ASB4: variants seen among roughly 807,000 people sequenced by gnomAD.
ASB4 encodes ankyrin repeat and SOCS box containing 4, also known as ankyrin repeat and SOCS box protein 4.
ASB4 carries 35 observed loss-of-function variants against 38.6 expected under a neutral mutation model. That is an observed-to-expected ratio of 0.91 (90% CI 0.69 to 1.20). ASB4 has a LOEUF of 1.20. Among genes scored for constraint, ASB4 ranks in the 50% most tolerant of loss-of-function variants. The pLI is 0.00. For synonymous variants in ASB4, 195 were observed against 201.3 expected, an observed-to-expected ratio of 0.97 and a Z score of 0.26; for missense variants, 557 against 527.2, an observed-to-expected ratio of 1.06 and a Z score of -0.55.
chr7:95,513,021 C>G (rs1191745561), intron 2 of ASB4, among the ~76,000 whole-genome samples: 1 of 151,890 alleles, frequency 6.6e-6, no homozygotes, highest in Non-Finnish European at 1.5e-5. Context: ...AAATCAGGGA[C>G]CTTTTTTGGC....
intron 3 of ASB4, 97 bp from the exon 4 acceptor site, chr7:95,536,340 A>G: frequency 1.4e-6 from 1 of 715,192 alleles, no homozygotes; most frequent in Non-Finnish European, 2.4e-6. Flanking sequence ...ACATGCTACC[A>G]TGCCCACTGG....
At chr7:95,484,675 G>C (rs1186864838), upstream of ASB4, among the ~76,000 whole-genome samples, 1 of 152,010 alleles carries the variant, frequency 6.6e-6, no homozygotes. Context: ...TTATTCTGCA[G>C]AAAGTTTGCA....
chr7:95,498,407 G>T (rs1790282613), intron 2 of ASB4, among the ~76,000 whole-genome samples: 2 of 152,142 alleles, frequency 1.3e-5, no homozygotes, highest in South Asian at 4.1e-4. Context: ...GTTTGTAATG[G>T]TATCTCATTG....
chr7:95,536,673 A>G, intron 4 of ASB4, 123 bp downstream of exon 4: 1 of 581,952 alleles, frequency 1.7e-6, no homozygotes, highest in Non-Finnish European at 3.0e-6. Flanking sequence ...ACTCAAATGC[A>G]ATGAGACAAA....
chr7:95,492,183 C>T (rs930975893), intron 1 of ASB4, among the ~76,000 whole-genome samples: 21 of 152,022 alleles, frequency 1.4e-4, no homozygotes, highest in African/African-American at 5.1e-4. Context: ...CCTGATTGAC[C>T]AGATAATGTT....
chr7:95,550,438 C>T, the ASB4 span, among the ~76,000 whole-genome samples: 2 of 152,164 alleles, frequency 1.3e-5, no homozygotes, highest in Admixed American at 1.3e-4. Context: ...GGCTTCTCTC[C>T]TGTCTCGGAA....
chr7:95,528,347 T>C, intron 3 of ASB4, 44 bp downstream of exon 3: 2 of 1,610,912 alleles, frequency 1.2e-6, no homozygotes, highest in Non-Finnish European at 1.7e-6. Flanking sequence ...AAGATTCAAA[T>C]GGCAGCCTTG....
intron 2 of ASB4, among the ~76,000 whole-genome samples, chr7:95,525,704 A>G (rs3801915): frequency 1.3e-5 from 2 of 152,214 alleles, no homozygotes; most frequent in East Asian, 3.9e-4. Flanking sequence ...TTCTGGGAAG[A>G]CATTCTCATT....
intron 2 of ASB4, among the ~76,000 whole-genome samples, chr7:95,514,091 T>C (rs778686566): frequency 3.3e-5 from 5 of 152,228 alleles, no homozygotes; most frequent in Non-Finnish European, 4.4e-5. Flanking sequence ...GCTTCTTATC[T>C]TTCCATCATT....
At chr7:95,497,695 C>T (rs1790271582) in intron 2 of ASB4, among the ~76,000 whole-genome samples, 2 of 152,100 alleles carry the variant, frequency 1.3e-5, no homozygotes, top group South Asian at 4.2e-4. Context: ...AGTCCTCTCC[C>T]CCTCTACATC....
At chr7:95,500,425 A>G (rs1585800930) in intron 2 of ASB4, among the ~76,000 whole-genome samples, 1 of 151,742 alleles carries the variant, frequency 6.6e-6, no homozygotes, top group African/African-American at 2.4e-5. Context: ...TAAATTAACC[A>G]GGCATGGTGG....
chr7:95,523,448 A>G (rs557497949), intron 2 of ASB4, among the ~76,000 whole-genome samples: 2 of 152,336 alleles, frequency 1.3e-5, no homozygotes, highest in Admixed American at 6.5e-5. Flanking sequence ...AAATACCATT[A>G]GTTAATAATT....
At chr7:95,547,890 C>T in the ASB4 span, among the ~76,000 whole-genome samples, 1 of 152,196 alleles carries the variant, frequency 6.6e-6, no homozygotes, top group Non-Finnish European at 1.5e-5. Flanking sequence ...GCTGGCTTCC[C>T]CTGCAGATTT....
At chr7:95,489,052 G>C (rs561904482) in intron 1 of ASB4, among the ~76,000 whole-genome samples, 43 of 152,180 alleles carry the variant, frequency 2.8e-4, no homozygotes, top group African/African-American at 1.0e-3. Flanking sequence ...CATTTTTATA[G>C]GATTTAAGAA....
At position 95,538,330 on chromosome 7, in the gene ASB4, A is replaced by G. The variant is rs1790924213; in HGVS notation, c.*571A>G. On this transcript the variant is annotated 3_prime_UTR_variant, in exon 5 of 5. Transcript: ENST00000325885. ...AGGAGATCTTGGAGTCAAATTAGAA[A>G]TGAGAAAGAAACATCAGTCCAGTTA... The G allele has an allele frequency of 6.6e-6, 1 of 152,364 alleles. No individual in the cohort carries two copies. The highest frequency in any genetic ancestry group is 1.5e-5 in the Non-Finnish European group (1 of 68,130). 9.4% of individuals were successfully genotyped at this position (152,364 alleles called of 1,614,324 possible). A position where few individuals can be genotyped will look rare whatever the true frequency, so the allele number is the denominator to read the frequency against.
chr7:95,517,995 G>T (rs1304693107), intron 2 of ASB4, among the ~76,000 whole-genome samples: 1 of 152,156 alleles, frequency 6.6e-6, no homozygotes, highest in Non-Finnish European at 1.5e-5. Flanking sequence ...CTACTGCTGG[G>T]TGTATGATCA....
At chr7:95,527,759 G>C in intron 2 of ASB4, 54 bp from the exon 3 acceptor site, 1 of 1,496,362 alleles carries the variant, frequency 6.7e-7, no homozygotes, top group Non-Finnish European at 9.1e-7. Flanking sequence ...ATGAACCTTA[G>C]GAATAATGAC....
At chr7:95,549,572 T>C in the ASB4 span, among the ~76,000 whole-genome samples, 2 of 152,034 alleles carry the variant, frequency 1.3e-5, no homozygotes, top group African/African-American at 2.4e-5. Context: ...GCTGGGATTA[T>C]AGGCGTGAGC....
intron 2 of ASB4, among the ~76,000 whole-genome samples, chr7:95,502,601 A>G (rs545963555): frequency 1.4e-4 from 21 of 152,330 alleles, no homozygotes; most frequent in African/African-American, 4.6e-4. Context: ...AGAAAGAAAA[A>G]GAAAGACACT....
Sources: gnomAD v4.1 joint callset for allele counts (sites outside exome capture counted in the v4.1 genomes callset) on GRCh38, gnomAD v4.1.1 for gene constraint, MANE v1.5 for transcripts, NCBI Gene and HGNC (gene_info 2026-07-23, HGNC 2026-07-21) for gene names.